The following FARS2 variants were observed in gnomAD, a reference collection of about 807,000 sequenced individuals.
FARS2 encodes the protein phenylalanine--tRNA ligase, mitochondrial.
In FARS2, 40 loss-of-function variants were observed where a neutral mutation model predicts 46.4. The observed-to-expected ratio is 0.86, with a 90% confidence interval of 0.67 to 1.12. The LOEUF (loss-of-function observed/expected upper bound fraction) is 1.12, where lower values mean the gene tolerates loss of function less well. Among genes scored for constraint, FARS2 ranks in the 50% most tolerant of loss-of-function variants. The probability of loss-of-function intolerance (pLI) is 0.00; values close to 1 mark genes in which losing one functional copy is unlikely to be tolerated. For synonymous variants in FARS2, 234 were observed against 214.9 expected (o/e 1.09, Z -0.78); for missense variants, 513 against 567.9 (o/e 0.90, Z 0.98).
intron 5 of FARS2, among the ~76,000 whole-genome samples, chr6:5,548,710 A>G (rs1177107825): frequency 3.3e-5 from 5 of 152,198 alleles, no homozygotes; most frequent in East Asian, 3.8e-4. Context: ...ACTTACAACA[A>G]TCTTTTTTTA....
intron 1 of FARS2, among the ~76,000 whole-genome samples, chr6:5,307,966 A>G (rs1356125503): frequency 6.6e-6 from 1 of 152,028 alleles, no homozygotes. Flanking sequence ...TGACCTTACT[A>G]CTGCTTCAAT....
intron 5 of FARS2, among the ~76,000 whole-genome samples, chr6:5,604,383 C>G (rs182748142): frequency 3.9e-5 from 6 of 152,262 alleles, no homozygotes; most frequent in Admixed American, 2.6e-4. Context: ...GTTTCCCCCC[C>G]AGAAAGCAAA....
chr6:5,697,921 A>G (rs553214700), intron 6 of FARS2, among the ~76,000 whole-genome samples: 10 of 152,230 alleles, frequency 6.6e-5, no homozygotes, highest in African/African-American at 1.7e-4. Context: ...TATTATTTCA[A>G]TTTTCTTCGC....
intron 6 of FARS2, among the ~76,000 whole-genome samples, chr6:5,647,859 G>A (rs113464964): frequency 7.2e-5 from 11 of 152,168 alleles, no homozygotes; most frequent in Non-Finnish European, 1.2e-4. Context: ...TAATTAGCAC[G>A]TAACCCAATG....
intron 4 of FARS2, among the ~76,000 whole-genome samples, chr6:5,475,637 A>C (rs551440717): frequency 6.6e-6 from 1 of 152,014 alleles, no homozygotes; most frequent in African/African-American, 2.4e-5. Flanking sequence ...GACATCATAG[A>C]CCCCTCTTTA....
chr6:5,678,900 C>T (rs1253829394), intron 6 of FARS2, among the ~76,000 whole-genome samples: 3 of 152,174 alleles, frequency 2.0e-5, no homozygotes, highest in Non-Finnish European at 2.9e-5. Context: ...ACCAGCTGAC[C>T]GAATGCGGAA....
intron 6 of FARS2, among the ~76,000 whole-genome samples, chr6:5,636,150 A>T (rs770716171): frequency 3.3e-5 from 5 of 152,278 alleles, no homozygotes; most frequent in Admixed American, 6.5e-5. Flanking sequence ...AGCATCCCCA[A>T]ATTTAAAGTT....
chr6:5,595,645 G>C (rs1045919273), intron 5 of FARS2, among the ~76,000 whole-genome samples: 2 of 152,216 alleles, frequency 1.3e-5, no homozygotes, highest in African/African-American at 4.8e-5. Context: ...TACAGACTGG[G>C]ATGGTCATTG....
At chr6:5,710,360 T>C (rs1759065956) in intron 6 of FARS2, among the ~76,000 whole-genome samples, 1 of 152,172 alleles carries the variant, frequency 6.6e-6, no homozygotes, top group African/African-American at 2.4e-5. Context: ...GTGTAGTAAA[T>C]GTTGGAGTCA....
chr6:5,710,234 A>T (rs13207855), intron 6 of FARS2, among the ~76,000 whole-genome samples: 82,354 of 151,646 alleles, frequency 0.54, 22,979 homozygotes, highest in African/African-American at 0.6. Flanking sequence ...TGTACAACGC[A>T]GCATGGTCCA....
chr6:5,439,524 G>A (rs1763723983), intron 4 of FARS2, among the ~76,000 whole-genome samples: 1 of 152,104 alleles, frequency 6.6e-6, no homozygotes, highest in South Asian at 2.1e-4. Flanking sequence ...TAATTTTTCT[G>A]TTTTTTTACT....
chr6:5,732,474 C>T (rs76054439), intron 6 of FARS2, among the ~76,000 whole-genome samples: 1 of 152,146 alleles, frequency 6.6e-6, no homozygotes, highest in Non-Finnish European at 1.5e-5. Context: ...TCCCTTCTGA[C>T]CCGTTCCCCC....
intron 2 of FARS2, among the ~76,000 whole-genome samples, chr6:5,382,641 T>C (rs914629513): frequency 7.2e-5 from 11 of 152,214 alleles, no homozygotes; most frequent in Admixed American, 7.2e-4. Flanking sequence ...GAAGATCCAC[T>C]GATAGTTTAC....
intron 4 of FARS2, among the ~76,000 whole-genome samples, chr6:5,468,960 C>T (rs2150316305): frequency 6.6e-6 from 1 of 152,284 alleles, no homozygotes; most frequent in African/African-American, 2.4e-5. Context: ...CATACCATAA[C>T]TCCCTTTTCC....
Position 5,765,767 on chromosome 6 carries a change from A to T in FARS2, c.1218-5524A>T, listed in dbSNP as rs1762720488. ...CAGCCGGCTCCTGGGTTTCTGCAGG[A>T]CCTCAGCAGGCTGCTAACTCCCGGA... is the stretch of plus-strand genomic sequence containing the variant. On this transcript the variant is annotated intron_variant, in intron 6 of 6. Transcript: ENST00000274680. This position sits in a 1 kb window ranked among gnomAD's most constrained non-coding sequence, Gnocchi z 4.0. Among the ~76,000 whole-genome samples the T allele has an allele frequency of 6.6e-6, 1 of 151,956 alleles. No homozygotes were observed. The highest frequency in any genetic ancestry group is 1.5e-5 in the Non-Finnish European group (1 of 67,982).
intron 4 of FARS2, among the ~76,000 whole-genome samples, chr6:5,529,087 G>A (rs1769654757): frequency 6.6e-6 from 1 of 152,240 alleles, no homozygotes; most frequent in Admixed American, 6.5e-5. Context: ...ATTATTTCTA[G>A]ATAGCTGTAT....
intron 4 of FARS2, among the ~76,000 whole-genome samples, chr6:5,482,395 G>A (rs770226353): frequency 1.2e-4 from 18 of 152,138 alleles, no homozygotes; most frequent in African/African-American, 2.2e-4. Flanking sequence ...TGAGGCATGC[G>A]GAACTCTACA....
chr6:5,376,779 C>T (rs1407471419), intron 2 of FARS2, among the ~76,000 whole-genome samples: 1 of 152,140 alleles, frequency 6.6e-6, no homozygotes, highest in Non-Finnish European at 1.5e-5. Flanking sequence ...TTCTTATGGA[C>T]TTGCTTATAT....
intron 4 of FARS2, among the ~76,000 whole-genome samples, chr6:5,465,878 A>AT (rs903130512): frequency 1.6e-4 from 25 of 152,000 alleles, no homozygotes; most frequent in Non-Finnish European, 2.8e-4. Context: ...GAAAAAAAGA[A>AT]TTTTTTTTCA....
Sources: allele counts gnomAD v4.1 joint callset (sites outside exome capture counted in the v4.1 genomes callset), GRCh38; gene constraint gnomAD v4.1.1; non-coding constraint Gnocchi (gnomAD v3.1); transcripts MANE v1.5; gene names NCBI Gene and HGNC (gene_info 2026-07-23, HGNC 2026-07-21).